The following GDAP1 variants were observed in gnomAD, a reference collection of about 807,000 sequenced individuals.
GDAP1 encodes the protein ganglioside induced differentiation associated protein 1.
Under a neutral mutation model 40.1 loss-of-function variants are expected in GDAP1, and 34 were observed. That is an observed-to-expected ratio of 0.85 (90% CI 0.64 to 1.13). The LOEUF is 1.13. Ranked by LOEUF, GDAP1 falls within the 50% of genes most tolerant of loss-of-function variation. The pLI is 0.00. For synonymous variants in GDAP1, 170 were observed against 157.4 expected, an observed-to-expected ratio of 1.08 and a Z score of -0.60; for missense variants, 374 against 433.7, an observed-to-expected ratio of 0.86 and a Z score of 1.22.
At chr8:74,470,360 T>C (rs930770126) in intron 2 of GDAP1, among the ~76,000 whole-genome samples, 2 of 152,140 alleles carry the variant, frequency 1.3e-5, no homozygotes, top group Non-Finnish European at 2.9e-5. Flanking sequence ...CCATTAACTT[T>C]TCATTTAACA....
intron 2 of GDAP1, among the ~76,000 whole-genome samples, chr8:74,359,174 T>A (rs1809236315): frequency 6.6e-6 from 1 of 152,266 alleles, no homozygotes; most frequent in Non-Finnish European, 1.5e-5. Context: ...ACTTTAGTTC[T>A]AGCTCTGCCT....
rs371925331 is a variant in GDAP1, at chr8:74,451,306, C to T, written c.166-37372C>T. Among the ~76,000 whole-genome samples, 2 of 81,238 alleles carry T rather than the reference C, an allele frequency of 2.5e-5. 1 individual carries two copies. The highest frequency in any genetic ancestry group is 5.0e-5 in the Non-Finnish European group (2 of 40,310). 53.3% of individuals were successfully genotyped at this position (81,238 alleles called of 152,430 possible). ...CTCTACTAAACATACAAAAATTAGCCGGGCATGGTGATGCATGCCTGTAAT... is the reference window on the plus strand; with the variant it reads ...CTCTACTAAACATACAAAAATTAGCTGGGCATGGTGATGCATGCCTGTAAT... On this transcript the variant is annotated intron_variant, in intron 2 of 2. Coordinates refer to the GDAP1 transcript ENST00000523640.
downstream of GDAP1, among the ~76,000 whole-genome samples, chr8:74,370,136 GA>G (rs1228828475): frequency 6.6e-6 from 1 of 152,108 alleles, no homozygotes; most frequent in African/African-American, 2.4e-5. Context: ...ACAGAGAGGG[GA>G]AAGAAAAGTA....
intron 2 of GDAP1, among the ~76,000 whole-genome samples, chr8:74,465,699 T>TC (rs1170528014): frequency 2.0e-5 from 3 of 152,080 alleles, no homozygotes; most frequent in Non-Finnish European, 4.4e-5. Flanking sequence ...TGGCCCTGGC[T>TC]CCCTCTCCAA....
intron 2 of GDAP1, among the ~76,000 whole-genome samples, chr8:74,408,267 G>A (rs772833247): frequency 1.3e-5 from 2 of 150,108 alleles, no homozygotes; most frequent in African/African-American, 2.5e-5. Context: ...TATTTCTATG[G>A]TGGTTTGAAT....
At chr8:74,447,375 A>G (rs745403416) in intron 2 of GDAP1, among the ~76,000 whole-genome samples, 8 of 152,074 alleles carry the variant, frequency 5.3e-5, no homozygotes, top group East Asian at 1.9e-4. Flanking sequence ...CATTTTTTCT[A>G]CTGTATATCT....
intron 2 of GDAP1, among the ~76,000 whole-genome samples, chr8:74,432,771 C>A (rs1432200838): frequency 6.6e-6 from 1 of 152,182 alleles, no homozygotes; most frequent in African/African-American, 2.4e-5. Flanking sequence ...AAGGGACTAT[C>A]CTACTTTCTC....
At chr8:74,363,612 G>A (rs994058043) in intron 5 of GDAP1, among the ~76,000 whole-genome samples, 4 of 152,206 alleles carry the variant, frequency 2.6e-5, no homozygotes, top group Non-Finnish European at 5.9e-5. Context: ...TTCAGACTCA[G>A]CTTTATGGAT....
intron 2 of GDAP1, among the ~76,000 whole-genome samples, chr8:74,471,863 G>T (rs1241641379): frequency 3.3e-5 from 5 of 152,034 alleles, no homozygotes; most frequent in Non-Finnish European, 5.9e-5. Flanking sequence ...CCTTAATATT[G>T]CTGAGTAGTA....
At chr8:74,439,152 C>A (rs1418924851) in intron 2 of GDAP1, among the ~76,000 whole-genome samples, 2 of 151,682 alleles carry the variant, frequency 1.3e-5, no homozygotes, top group African/African-American at 4.8e-5. Context: ...TTTAAAATAT[C>A]TTTCTGCACC....
At chr8:74,356,870 A>G (rs1809127645) in intron 2 of GDAP1, among the ~76,000 whole-genome samples, 1 of 151,420 alleles carries the variant, frequency 6.6e-6, no homozygotes, top group South Asian at 2.1e-4. Flanking sequence ...GCGCACCACC[A>G]CGCCCGGCTA....
intron 2 of GDAP1, among the ~76,000 whole-genome samples, chr8:74,444,410 G>A (rs1806204522): frequency 6.6e-6 from 1 of 152,140 alleles, no homozygotes; most frequent in Non-Finnish European, 1.5e-5. Flanking sequence ...ACTCTGGGTT[G>A]TCAGTACTCA....
At chr8:74,474,963 G>A (rs1231675274) in intron 2 of GDAP1, among the ~76,000 whole-genome samples, 2 of 151,764 alleles carry the variant, frequency 1.3e-5, no homozygotes, top group Admixed American at 1.3e-4. Flanking sequence ...ATTCAATTTT[G>A]GCGCTCATTG....
chr8:74,442,130 C>T (rs1806169613), intron 2 of GDAP1, among the ~76,000 whole-genome samples: 1 of 152,200 alleles, frequency 6.6e-6, no homozygotes, highest in Non-Finnish European at 1.5e-5. Context: ...TGTGTAGTCA[C>T]ATTTCAAGAG....
At chr8:74,428,983 C>G (rs905920380) in intron 2 of GDAP1, among the ~76,000 whole-genome samples, 1 of 149,950 alleles carries the variant, frequency 6.7e-6, no homozygotes, top group Non-Finnish European at 1.5e-5. Flanking sequence ...TTTGTCCTTG[C>G]GATAGTTTGC....
At chr8:74,383,474 T>C (rs1809983541) in intron 2 of GDAP1, among the ~76,000 whole-genome samples, 1 of 152,174 alleles carries the variant, frequency 6.6e-6, no homozygotes. Context: ...GCATTTTGAG[T>C]AGTAGAACTG....
At chr8:74,396,324 A>T (rs1205036519) in intron 2 of GDAP1, among the ~76,000 whole-genome samples, 1 of 150,864 alleles carries the variant, frequency 6.6e-6, no homozygotes, top group Non-Finnish European at 1.5e-5. Flanking sequence ...TTATTTATTT[A>T]TTTTTTTTAC....
At chr8:74,362,316 C>T (rs1161104004) in intron 4 of GDAP1, among the ~76,000 whole-genome samples, 1 of 152,176 alleles carries the variant, frequency 6.6e-6, no homozygotes, top group Non-Finnish European at 1.5e-5. Context: ...ATGTGTCGCC[C>T]TGACTTGCTT....
chr8:74,373,300 A>G (rs1389769982), intron 2 of GDAP1, among the ~76,000 whole-genome samples: 8 of 152,196 alleles, frequency 5.3e-5, no homozygotes, highest in Non-Finnish European at 8.8e-5. Flanking sequence ...GAAGAAAGTC[A>G]TTGGTAACTT....
Sources: gnomAD v4.1 joint callset for allele counts (sites outside exome capture counted in the v4.1 genomes callset) on GRCh38, gnomAD v4.1.1 for gene constraint, MANE v1.5 for transcripts, NCBI Gene and HGNC (gene_info 2026-07-23, HGNC 2026-07-21) for gene names.